The following MTMR8 variants were observed in gnomAD, a reference collection of about 807,000 sequenced individuals.
MTMR8 encodes the protein phosphatidylinositol-3,5-bisphosphate 3-phosphatase MTMR8.
A neutral mutation model predicts 39.3 loss-of-function variants in MTMR8; 65 were observed. That is an observed-to-expected ratio of 1.65 (90% CI 1.35 to 2.03). The LOEUF (loss-of-function observed/expected upper bound fraction) is 2.03, where lower values mean the gene tolerates loss of function less well. Ranked by LOEUF, MTMR8 falls within the 30% of genes most tolerant of loss-of-function variation. The probability of loss-of-function intolerance (pLI) is 0.00; values close to 1 mark genes in which losing one functional copy is unlikely to be tolerated. For missense variants in MTMR8, 777 were observed against 538.9 expected (o/e 1.44, Z -4.37); for synonymous variants, 245 against 185.2 (o/e 1.32, Z -2.62).
rs190287937 is a variant in MTMR8 at position 64,323,421 on chromosome X, C to A, written c.1481+5351G>T. 2.5e-3 allele frequency among the ~76,000 whole-genome samples: 277 copies of A among 111,638 alleles called. 2 individuals carry two copies. The highest frequency in any genetic ancestry group is 8.6e-3 in the African/African-American group (265 of 30,715). Reference sequence around the variant, plus strand: ...CACCAGAGTACCCAAGTAAATGAAGCAATTATTATAGATCTAAGGGAATAG... The same window carrying A: ...CACCAGAGTACCCAAGTAAATGAAGAAATTATTATAGATCTAAGGGAATAG... On this transcript the variant is annotated intron_variant, in intron 12 of 13. Coordinates refer to ENST00000374852, the MANE Select transcript of MTMR8 (RefSeq NM_017677.4).
intron 1 of MTMR8, among the ~76,000 whole-genome samples, chrX:64,359,806 C>T (rs186747721): frequency 9.2e-6 from 1 of 108,285 alleles, no homozygotes; most frequent in East Asian, 2.9e-4. Flanking sequence ...TATATAGAAC[C>T]TGAGAGCCTG....
intron 8 of MTMR8, 53 bp downstream of exon 8, chrX:64,343,558 C>A (rs762934860): frequency 6.6e-6 from 5 of 755,060 alleles, no homozygotes; most frequent in Non-Finnish European, 1.0e-5. Flanking sequence ...ACTACTACTT[C>A]AATATATCCC....
chrX:64,353,541 A>G, intron 4 of MTMR8, among the ~76,000 whole-genome samples: 1 of 112,335 alleles, frequency 8.9e-6, no homozygotes, highest in South Asian at 3.7e-4. Context: ...AACCACAATG[A>G]GATATCATTT....
chrX:64,340,784 G>A lies in MTMR8; in HGVS notation c.975+2827C>T, dbSNP rs146930831. On this transcript the variant is annotated intron_variant, in intron 8 of 13. Coordinates refer to ENST00000374852, the MANE Select transcript of MTMR8 (RefSeq NM_017677.4). ...CACTGGTGGACAGAAAATGATACTG[G>A]ATTTCACTAATGATTAAAGAAATAC... Among the ~76,000 whole-genome samples, 73 of 111,771 alleles carry A rather than the reference G, an allele frequency of 6.5e-4. 1 individual carries two copies. In the East Asian group the frequency reaches 0.02, roughly 31 times the overall value.
At chrX:64,289,356 C>T (rs1921317325) in intron 12 of MTMR8, among the ~76,000 whole-genome samples, 1 of 111,010 alleles carries the variant, frequency 9.0e-6, no homozygotes, top group Non-Finnish European at 1.9e-5. Flanking sequence ...TTATTTAAAA[C>T]ACTATGGTGC....
At chrX:64,384,920 G>A (rs923294139) in intron 1 of MTMR8, among the ~76,000 whole-genome samples, 32 of 112,324 alleles carry the variant, frequency 2.8e-4, no homozygotes, top group African/African-American at 1.0e-3. Flanking sequence ...GAACCCATTT[G>A]AATTCTTCTT....
chrX:64,281,034 C>A (rs778588918), intron 12 of MTMR8, among the ~76,000 whole-genome samples: 1 of 110,816 alleles, frequency 9.0e-6, no homozygotes, highest in Admixed American at 9.7e-5. Context: ...AACCACTGCT[C>A]AAGGAAATGA....
At chrX:64,293,701 G>C (rs1291048000) in intron 12 of MTMR8, among the ~76,000 whole-genome samples, 1 of 111,059 alleles carries the variant, frequency 9.0e-6, no homozygotes, top group Admixed American at 9.6e-5. Flanking sequence ...GGCTTTGTTG[G>C]ACATGGGTGC....
At chrX:64,295,431 A>C (rs1336582526) in intron 12 of MTMR8, among the ~76,000 whole-genome samples, 1 of 111,825 alleles carries the variant, frequency 8.9e-6, no homozygotes, top group Non-Finnish European at 1.9e-5. Flanking sequence ...CCTCAACATG[A>C]CACTAAAAGC....
intron 1 of MTMR8, among the ~76,000 whole-genome samples, chrX:64,371,667 A>G (rs958226741): frequency 1.8e-5 from 2 of 111,273 alleles, no homozygotes; most frequent in African/African-American, 6.5e-5. Context: ...TTTTGACCCA[A>G]TATCCCTACA....
Position 64,292,880 on chromosome X carries a change from G to A in MTMR8, c.1482-21807C>T, listed in dbSNP as rs1921447430. Among the ~76,000 whole-genome samples, 8 of 111,551 alleles carry A rather than the reference G, an allele frequency of 7.2e-5. No homozygotes were observed. The Admixed American group carries it at 7.6e-4, about 11-fold the overall frequency. ...CCAAAGTATCCCGCATAATAAGCAT[G>A]GAAGGTAGGAGTGACCCTCAAAAGA... On this transcript the variant is annotated intron_variant, in intron 12 of 13. Transcript: ENST00000374852.
chrX:64,274,546 C>G (rs1931831272), intron 12 of MTMR8, among the ~76,000 whole-genome samples: 1 of 111,777 alleles, frequency 8.9e-6, no homozygotes, highest in African/African-American at 3.2e-5. Flanking sequence ...TATGATCCAG[C>G]AATCCCACTT....
At chrX:64,340,660 C>A (rs1374092507) in intron 8 of MTMR8, among the ~76,000 whole-genome samples, 1 of 111,817 alleles carries the variant, frequency 8.9e-6, no homozygotes. Context: ...AGTTTTTCAA[C>A]CTTTTTGACT....
chrX:64,362,636 C>T (rs1923824322), intron 1 of MTMR8, among the ~76,000 whole-genome samples: 1 of 109,708 alleles, frequency 9.1e-6, no homozygotes, highest in African/African-American at 3.3e-5. Context: ...GTTGGGGAAA[C>T]AGTATTAGTA....
At chrX:64,296,830 G>A (rs1217001967) in intron 12 of MTMR8, among the ~76,000 whole-genome samples, 5 of 100,017 alleles carry the variant, frequency 5.0e-5, no homozygotes, top group Non-Finnish European at 1.0e-4. Context: ...AATATGCGGT[G>A]TTTGGTTTTT....
At chrX:64,351,076 A>T (rs1185935952) in intron 4 of MTMR8, among the ~76,000 whole-genome samples, 1 of 111,685 alleles carries the variant, frequency 9.0e-6, no homozygotes, top group African/African-American at 3.3e-5. Context: ...CTGGACTTAA[A>T]CTTTGGAGAA....
intron 1 of MTMR8, among the ~76,000 whole-genome samples, chrX:64,375,342 GA>G (rs1375447064): frequency 1.8e-5 from 2 of 108,176 alleles, no homozygotes; most frequent in East Asian, 5.8e-4. Context: ...GTGACAGAGA[GA>G]GACTGTCTCA....
intron 12 of MTMR8, among the ~76,000 whole-genome samples, chrX:64,275,647 TCAA>T (rs1931856421): frequency 1.4e-5 from 1 of 69,927 alleles, no homozygotes; most frequent in African/African-American, 7.2e-5. Context: ...TGAGTCTCTC[TCAA>T]AAAAAAAAAA....
intron 12 of MTMR8, among the ~76,000 whole-genome samples, chrX:64,295,882 C>G (rs1397793153): frequency 8.9e-6 from 1 of 111,944 alleles, no homozygotes; most frequent in East Asian, 2.8e-4. Flanking sequence ...GGCACAGCCA[C>G]TGTGGAAAAC....
Sources: gnomAD v4.1 joint callset for allele counts (sites outside exome capture counted in the v4.1 genomes callset) on GRCh38, gnomAD v4.1.1 for gene constraint, MANE v1.5 for transcripts, NCBI Gene and HGNC (gene_info 2026-07-23, HGNC 2026-07-21) for gene names.